The following SDK1 variants were observed in gnomAD, a reference collection of about 807,000 sequenced individuals.
The protein encoded by SDK1 is protein sidekick-1.
SDK1 carries 157 observed loss-of-function variants against 245.5 expected under a neutral mutation model. The ratio of observed to expected loss-of-function variants is 0.64; its 90% confidence interval spans 0.56 to 0.73. The LOEUF (loss-of-function observed/expected upper bound fraction) is 0.73. Ranked by LOEUF, SDK1 falls within the 30% of genes least tolerant of loss-of-function variation. The pLI, the probability that SDK1 is intolerant of heterozygous loss-of-function variation, is 0.00. For synonymous variants in SDK1, 1,647 were observed against 1,278.5 expected (o/e 1.29, Z -6.15); for missense variants, 3,583 against 3,002.3 (o/e 1.19, Z -4.52).
At chr7:4,181,997 G>A (rs1485064292) in intron 35 of SDK1, among the ~76,000 whole-genome samples, 1 of 152,130 alleles carries the variant, frequency 6.6e-6, no homozygotes, top group Non-Finnish European at 1.5e-5. Context: ...TCAGCTCACT[G>A]CAATCTCCAT....
At chr7:3,515,799 G>C (rs557684398) in intron 1 of SDK1, among the ~76,000 whole-genome samples, 1 of 152,284 alleles carries the variant, frequency 6.6e-6, no homozygotes, top group African/African-American at 2.4e-5. Flanking sequence ...CAGTGGTACA[G>C]TCTCAAAGAC....
At chr7:3,337,247 A>G (rs1290554057) in intron 1 of SDK1, among the ~76,000 whole-genome samples, 3 of 152,186 alleles carry the variant, frequency 2.0e-5, no homozygotes, top group Non-Finnish European at 4.4e-5. Context: ...AAATGATAGA[A>G]CTGAAAAATA....
At chr7:3,649,723 G>C (rs1488017367) in intron 4 of SDK1, among the ~76,000 whole-genome samples, 1 of 152,164 alleles carries the variant, frequency 6.6e-6, no homozygotes, top group African/African-American at 2.4e-5. Context: ...AAGGCAGAGA[G>C]AGGCCAGCAG....
At chr7:3,369,860 C>T (rs953594614) in intron 1 of SDK1, among the ~76,000 whole-genome samples, 1 of 152,212 alleles carries the variant, frequency 6.6e-6, no homozygotes, top group East Asian at 1.9e-4. Flanking sequence ...CAGTGTTTCA[C>T]TTAAGAAAGT....
At chr7:3,320,749 A>C (rs1779782760) in intron 1 of SDK1, among the ~76,000 whole-genome samples, 2 of 152,336 alleles carry the variant, frequency 1.3e-5, no homozygotes, top group South Asian at 4.1e-4. Flanking sequence ...AGAAAATACC[A>C]TAAGACCAGT....
At chr7:3,510,934 G>C (rs1484553848) in intron 1 of SDK1, among the ~76,000 whole-genome samples, 1 of 152,280 alleles carries the variant, frequency 6.6e-6, no homozygotes, top group East Asian at 1.9e-4. Context: ...TTCCTTCCGT[G>C]GGAAGCCATC....
intron 22 of SDK1, among the ~76,000 whole-genome samples, chr7:4,081,305 G>C (rs968508489): frequency 1.8e-4 from 28 of 152,204 alleles, no homozygotes; most frequent in African/African-American, 6.5e-4. Flanking sequence ...CTGCAGGAGA[G>C]TCTGAGAGTG....
chr7:3,785,561 A>G (rs1780877454), intron 4 of SDK1, among the ~76,000 whole-genome samples: 1 of 152,256 alleles, frequency 6.6e-6, no homozygotes, highest in Non-Finnish European at 1.5e-5. Context: ...AAGACAAAAT[A>G]TAAGAAAACA....
At chr7:3,976,015 A>C (rs12701328) in intron 13 of SDK1, among the ~76,000 whole-genome samples, 1 of 3,720 alleles carries the variant, frequency 2.7e-4, no homozygotes. Flanking sequence ...CACGCAGAGG[A>C]TCCTCCAGAG....
chr7:4,145,971 A>G, intron 29 of SDK1, 55 bp downstream of exon 29: 2 of 1,480,598 alleles, frequency 1.4e-6, no homozygotes, highest in African/African-American at 2.8e-5. Context: ...CAGCTTCCTC[A>G]ATCAGGCCCT....
At chr7:3,459,111 T>A (rs74985382) in intron 1 of SDK1, among the ~76,000 whole-genome samples, 6,056 of 152,282 alleles carry the variant, frequency 0.04, 382 homozygotes, top group African/African-American at 0.13. Flanking sequence ...GACATCATTA[T>A]AGTATTGTAT....
intron 1 of SDK1, among the ~76,000 whole-genome samples, chr7:3,573,029 G>C (rs1006179318): frequency 6.6e-6 from 1 of 152,046 alleles, no homozygotes; most frequent in Non-Finnish European, 1.5e-5. Flanking sequence ...CAGGCCCCAG[G>C]AACTCCTTTA....
At chr7:3,803,710 G>C (rs1237893277) in intron 4 of SDK1, among the ~76,000 whole-genome samples, 4 of 148,098 alleles carry the variant, frequency 2.7e-5, no homozygotes, top group African/African-American at 9.9e-5. Flanking sequence ...GTGTTTTGCA[G>C]ATATTTTCTT....
intron 4 of SDK1, among the ~76,000 whole-genome samples, chr7:3,812,652 G>C (rs992796821): frequency 1.3e-5 from 2 of 152,198 alleles, no homozygotes; most frequent in African/African-American, 4.8e-5. Flanking sequence ...GTGGAGGCTT[G>C]ACTGGTCTTT....
At chr7:3,781,735 A>T (rs530201204) in intron 4 of SDK1, among the ~76,000 whole-genome samples, 18 of 152,212 alleles carry the variant, frequency 1.2e-4, no homozygotes, top group Non-Finnish European at 2.4e-4. Flanking sequence ...ACAATAAAAA[A>T]AAACAAATCT....
chr7:3,959,076 T>A lies in SDK1; in HGVS notation c.1234+62T>A. 2.4e-6 allele frequency: 3 copies of A among 1,254,626 alleles called. No homozygotes were observed. The South Asian group carries it at 3.6e-5, about 15-fold the overall frequency. The allele number at this position is 1,254,626 out of a possible 1,614,324, so 77.7% of individuals were successfully genotyped here. On this transcript the variant is annotated intron_variant, in intron 8 of 44. Coordinates refer to ENST00000404826, the MANE Select transcript of SDK1 (RefSeq NM_152744.4). ...CTGGGAGGAAGGGAAACAACCTTTT[T>A]CCATAGCAGAATTGCCATCATTCTA... is the stretch of plus-strand genomic sequence containing the variant.
intron 41 of SDK1, among the ~76,000 whole-genome samples, chr7:4,235,839 C>T (rs1786130778): frequency 6.6e-6 from 1 of 152,236 alleles, no homozygotes; most frequent in African/African-American, 2.4e-5. Flanking sequence ...GGCGTCAGGA[C>T]CGGGCCAGGC....
At chr7:3,326,160 A>G (rs1779935853) in intron 1 of SDK1, among the ~76,000 whole-genome samples, 1 of 152,204 alleles carries the variant, frequency 6.6e-6, no homozygotes, top group Non-Finnish European at 1.5e-5. Context: ...ATTGTAGAGT[A>G]TATAAAAGTG....
At chr7:3,737,435 C>G (rs914410047) in intron 4 of SDK1, among the ~76,000 whole-genome samples, 1 of 152,206 alleles carries the variant, frequency 6.6e-6, no homozygotes, top group African/African-American at 2.4e-5. Context: ...CTATGCTGCT[C>G]TGCTAGGTGG....
Sources: allele counts gnomAD v4.1 joint callset (sites outside exome capture counted in the v4.1 genomes callset), GRCh38; gene constraint gnomAD v4.1.1; transcripts MANE v1.5; gene names NCBI Gene and HGNC (gene_info 2026-07-23, HGNC 2026-07-21).